Variants in TAF4 observed in about 807,000 individuals in gnomAD.
TAF4 encodes the protein TATA-box binding protein associated factor 4.
In TAF4, 9 loss-of-function variants were observed where a neutral mutation model predicts 90.3. The observed-to-expected ratio is 0.10, with a 90% CI of 0.06 to 0.17. The LOEUF (loss-of-function observed/expected upper bound fraction) is 0.17. Ranked by LOEUF, TAF4 falls within the 10% of genes least tolerant of loss-of-function variation. The probability of loss-of-function intolerance (pLI) is 1.00; values close to 1 mark genes in which losing one functional copy is unlikely to be tolerated. For synonymous variants in TAF4, 818 were observed against 638.9 expected (o/e 1.28, Z -4.23); for missense variants, 1,351 against 1,370.7 (o/e 0.99, Z 0.23).
At chr20:61,983,489 CA>C (rs2055563171) in intron 14 of TAF4, among the ~76,000 whole-genome samples, 1 of 152,058 alleles carries the variant, frequency 6.6e-6, no homozygotes, top group African/African-American at 2.4e-5. Flanking sequence ...AACGAGACCC[CA>C]TTCCTACAAA....
chr20:62,044,109 A>G (rs893022546), intron 1 of TAF4, among the ~76,000 whole-genome samples: 4 of 152,236 alleles, frequency 2.6e-5, no homozygotes, highest in African/African-American at 9.6e-5. Context: ...TGGCAGAGAA[A>G]AATATATGTA....
At chr20:62,048,181 G>A (rs1199076139) in intron 1 of TAF4, among the ~76,000 whole-genome samples, 1 of 152,214 alleles carries the variant, frequency 6.6e-6, no homozygotes, top group Non-Finnish European at 1.5e-5. Flanking sequence ...TTCCCACACA[G>A]GGCAGGCTGG....
At position 62,006,711 on chromosome 20, in the gene TAF4, G is replaced by A; in HGVS notation, c.2022C>T (p.Phe674=). 2 of 1,577,276 alleles carry A rather than the reference G, an allele frequency of 1.3e-6. No individual in the cohort carries two copies. The highest frequency in any genetic ancestry group is 1.8e-5 in the Admixed American group (1 of 57,098). Residue 674 remains phenylalanine, a synonymous_variant, in exon 7 of 15, where the codon TTC becomes TTT. Coordinates refer to ENST00000252996, the MANE Select transcript of TAF4 (RefSeq NM_003185.4). This position sits in a 1 kb window ranked among gnomAD's most constrained non-coding sequence, Gnocchi z 7.0. The part of the protein sequence containing the change: ...LRQLTPDSAA[F]IQQSQQQPPP... ...GCGGCTGCTGCTGGCTCTGCTGGATGAAGGCCGCGGAGTCGGGGGTCAGCT... is the reference window on the plus strand; with the variant it reads ...GCGGCTGCTGCTGGCTCTGCTGGATAAAGGCCGCGGAGTCGGGGGTCAGCT...
At chr20:62,052,616 C>A (rs903752596) in intron 1 of TAF4, among the ~76,000 whole-genome samples, 33 of 151,946 alleles carry the variant, frequency 2.2e-4, no homozygotes, top group African/African-American at 7.7e-4. Flanking sequence ...ACCTCCCCCA[C>A]AACAGATGGG....
intron 1 of TAF4, among the ~76,000 whole-genome samples, chr20:62,025,371 G>A (rs2055868896): frequency 6.6e-6 from 1 of 152,230 alleles, no homozygotes; most frequent in Non-Finnish European, 1.5e-5. Context: ...ATACAGCACA[G>A]ATGACTCTCA....
intron 2 of TAF4, 84 bp from the exon 3 acceptor site, chr20:62,013,018 A>G: frequency 6.4e-7 from 1 of 1,560,064 alleles, no homozygotes; most frequent in South Asian, 1.2e-5. Context: ...TTCCTTCCAT[A>G]TGTAACTAGT....
At chr20:62,007,038 TG>T in intron 6 of TAF4, 1 of 351,486 alleles carries the variant, frequency 2.8e-6, no homozygotes, top group East Asian at 4.4e-5. Context: ...TTAACATCAC[TG>T]GAAGAGAAGA....
At chr20:62,046,297 TAC>T (rs1463980127) in intron 1 of TAF4, among the ~76,000 whole-genome samples, 2 of 152,256 alleles carry the variant, frequency 1.3e-5, no homozygotes, top group African/African-American at 2.4e-5. Flanking sequence ...GGCAAATGTA[TAC>T]AGTTGTGTAA....
chr20:62,041,247 C>T (rs541048461), intron 1 of TAF4, among the ~76,000 whole-genome samples: 36 of 152,304 alleles, frequency 2.4e-4, no homozygotes, highest in African/African-American at 7.5e-4. Flanking sequence ...AATCTGTGCA[C>T]TTACAAGGGG....
In TAF4 at chr20:62,065,304, G is replaced by A. The variant is rs1305022977; in HGVS notation, c.507C>T (p.Arg169=). 1.5e-5 allele frequency: 14 copies of A among 915,076 alleles called. No individual in the cohort carries two copies. The highest frequency in any genetic ancestry group is 1.8e-5 in the Non-Finnish European group (14 of 774,452). 56.7% of individuals were successfully genotyped at this position (915,076 alleles called of 1,614,324 possible). A position where few individuals can be genotyped will look rare whatever the true frequency, so the allele number is the denominator to read the frequency against. ...KPAGPAALAA[R]AGPGPGPGPG... is the part of the protein sequence containing the mutation. ...GGCCGGGCCCGGGGCCGGGGCCGGC[G>A]CGGGCGGCCAGCGCGGCGGGGCCGG... The change falls in exon 1 of 15, where the codon CGC becomes CGT. Residue 169 remains arginine, a synonymous_variant. Coordinates refer to ENST00000252996, the MANE Select transcript of TAF4 (RefSeq NM_003185.4).
chr20:62,000,042 C>T (rs575524506), intron 11 of TAF4, 82 bp downstream of exon 11: 24 of 1,592,556 alleles, frequency 1.5e-5, no homozygotes, highest in Admixed American at 8.4e-5. Flanking sequence ...CCCTCTGCCT[C>T]GGTGTGGGGA....
In TAF4 at chr20:62,064,896, G is replaced by C; in HGVS notation, c.915C>G (p.Asn305Lys). The change falls in exon 1 of 15, where the codon AAC becomes AAG. Residue 305 changes from asparagine (N) to lysine (K), a missense_variant. Around this residue, in one of 9 missense-constraint regions of TAF4, gnomAD observed 782 missense variants for 536.6 expected, o/e 1.46. Coordinates refer to ENST00000252996, the MANE Select transcript of TAF4 (RefSeq NM_003185.4). Reference sequence around the variant, plus strand: ...CGGGGGCTGCCCCGGCGCTGCCCCCGTTCTGGGCGGCGGCGGGGGGCGGCA... The same window carrying C: ...CGGGGGCTGCCCCGGCGCTGCCCCCCTTCTGGGCGGCGGCGGGGGGCGGCA... ...PAVPPPAAAQ[N>K]GGSAGAAPAP... 1 of 843,120 alleles carries C rather than the reference G, an allele frequency of 1.2e-6. No individual in the cohort carries two copies. Among genetic ancestry groups the C allele is most frequent in the Non-Finnish European group, 1.4e-6 (1 of 706,178 alleles). The allele number at this position is 843,120 out of a possible 1,614,324, so 52.2% of individuals were successfully genotyped here.
In TAF4 at chr20:62,065,568, G is replaced by T; in HGVS notation, c.243C>A (p.Gly81=). The T allele has an allele frequency of 1.0e-6, 1 of 979,004 alleles. No homozygotes were observed. Among genetic ancestry groups the T allele is most frequent in the Non-Finnish European group, 1.2e-6 (1 of 827,638 alleles). The allele number at this position is 979,004 out of a possible 1,614,324, so 60.6% of individuals were successfully genotyped here. A position where few individuals can be genotyped will look rare whatever the true frequency, so the allele number is the denominator to read the frequency against. Residue 81 remains glycine (G), a synonymous_variant, in exon 1 of 15, where the codon GGC becomes GGA. Transcript: ENST00000252996. The stretch of plus-strand genomic sequence containing the variant: ...GCGGCTCCGGCGCCGCTCCGGGCGC[G>T]CCCTCGGCGGGGGCGGCCGGCCCTG... ...AGAGPAAPAE[G]APGAAPEPPP...
At chr20:62,026,221 A>G (rs568623925) in intron 1 of TAF4, among the ~76,000 whole-genome samples, 5 of 152,156 alleles carry the variant, frequency 3.3e-5, no homozygotes, top group Admixed American at 2.6e-4. Context: ...TCGTATTAAC[A>G]ACTCTGTTCA....
intron 5 of TAF4, chr20:62,007,878 C>T (rs1568930325): frequency 4.8e-6 from 2 of 417,404 alleles, no homozygotes; most frequent in Admixed American, 4.4e-5. Flanking sequence ...CACCTGTCTA[C>T]TTCTCGTCTT....
At position 62,064,592 on chromosome 20, in the gene TAF4, C is replaced by T. The variant is rs555390926; in HGVS notation, c.1219G>A (p.Ala407Thr). ...GTCCGGGACAGGCTCTGGGTCACTG[C>T]GCCGGCCGCGCCTTTGGGCAGCCCG... Reference protein sequence around the residue: ...PTGLPKGAAGAVTQSLSRTPT... With the variant: ...PTGLPKGAAGTVTQSLSRTPT... The change falls in exon 1 of 15, where the codon GCA (alanine) becomes ACA (threonine). Residue 407 changes from alanine to threonine, a missense_variant. By Grantham distance (58) the Ala-to-Thr change is moderately conservative (BLOSUM62 0). This residue lies in a region of TAF4 where 782 missense variants were observed against 536.6 expected (regional missense o/e 1.46). Coordinates refer to ENST00000252996, the MANE Select transcript of TAF4 (RefSeq NM_003185.4). 182 of 1,469,302 alleles carry T rather than the reference C, an allele frequency of 1.2e-4. No individual in the cohort carries two copies. The African/African-American group carries it at 2.3e-3, about 18-fold the overall frequency. The allele number at this position is 1,469,302 out of a possible 1,614,324, so 91.0% of individuals were successfully genotyped here.
At chr20:62,027,973 G>C (rs1420394774) in intron 1 of TAF4, among the ~76,000 whole-genome samples, 1 of 152,238 alleles carries the variant, frequency 6.6e-6, no homozygotes, top group Admixed American at 6.5e-5. Flanking sequence ...GCCAGGCCAG[G>C]AGTTGTATCA....
chr20:61,991,005 A>T (rs2055628120), intron 14 of TAF4, among the ~76,000 whole-genome samples: 1 of 152,242 alleles, frequency 6.6e-6, no homozygotes, highest in South Asian at 2.1e-4. Context: ...AAAGCAGAAG[A>T]GCATCCCTAC....
At chr20:62,001,661 G>A (rs1041817241) in intron 9 of TAF4, among the ~76,000 whole-genome samples, 1 of 152,128 alleles carries the variant, frequency 6.6e-6, no homozygotes, top group African/African-American at 2.4e-5. Context: ...TCAGGGTCTT[G>A]GCATCCCTGG....
Sources: allele counts gnomAD v4.1 joint callset (sites outside exome capture counted in the v4.1 genomes callset), GRCh38; gene constraint gnomAD v4.1.1; regional missense constraint gnomAD v4.1.1; non-coding constraint Gnocchi (gnomAD v3.1); transcripts MANE v1.5; gene names NCBI Gene and HGNC (gene_info 2026-07-23, HGNC 2026-07-21).